The following NMRAL1 variants were observed in gnomAD, a reference collection of about 807,000 sequenced individuals.
The protein encoded by NMRAL1 is NmrA like redox sensor 1.
NMRAL1 carries 32 observed loss-of-function variants against 27.5 expected under a neutral mutation model. The observed-to-expected ratio is 1.16, with a 90% CI of 0.88 to 1.56. The LOEUF (loss-of-function observed/expected upper bound fraction) is 1.56. NMRAL1 is among the 40% of genes most tolerant of loss of function. The pLI, the probability that NMRAL1 is intolerant of heterozygous loss-of-function variation, is 0.00. For synonymous variants in NMRAL1, 166 were observed against 166.8 expected, an observed-to-expected ratio of 1.00 and a Z score of 0.04; for missense variants, 420 against 392.0, an observed-to-expected ratio of 1.07 and a Z score of -0.60.
rs1055542675 is a variant in NMRAL1, at chr16:4,467,619, GGTTTTT to G, written c.280-1223_280-1218del. On this transcript the variant is annotated intron_variant, in intron 3 of 5. Transcript: ENST00000283429. The stretch of plus-strand genomic sequence containing the variant: ...AGAATATCAGAGAATCGATTTCTGT[GGTTTTT>G]GTTTTTGTTTTTGAGACAGAGTCTA... Among the ~76,000 whole-genome samples the G allele has an allele frequency of 5.3e-5, 8 of 151,442 alleles. No homozygotes were observed. In the East Asian group the frequency reaches 9.9e-4, roughly 19 times the overall value.
intron 2 of NMRAL1, among the ~76,000 whole-genome samples, chr16:4,472,365 C>A (rs1053739862): frequency 1.3e-5 from 2 of 151,980 alleles, no homozygotes; most frequent in Non-Finnish European, 2.9e-5. Context: ...TTGCTTGAAC[C>A]CGGGAGGCAG....
In NMRAL1 at chr16:4,469,572, C is replaced by A. The variant is rs533690822; in HGVS notation, c.41-107G>T. ...ACCACAGCAAGGAGCATCCAGGAAACCTTCTCAACGACGATTCTCATTCAG... is the reference window on the plus strand; with the variant it reads ...ACCACAGCAAGGAGCATCCAGGAAAACTTCTCAACGACGATTCTCATTCAG... On this transcript the variant is annotated intron_variant, in intron 2 of 5. Transcript: ENST00000283429. 4 of 1,543,326 alleles carry A rather than the reference C, an allele frequency of 2.6e-6. No homozygotes were observed. The South Asian group carries it at 4.8e-5, about 19-fold the overall frequency.
chr16:4,463,533 C>T (rs188198753), intron 5 of NMRAL1, 127 bp downstream of exon 5: 11 of 741,980 alleles, frequency 1.5e-5, no homozygotes, highest in East Asian at 3.1e-5. Flanking sequence ...AGAAAATAAA[C>T]GTTGACGATG....
intron 3 of NMRAL1, among the ~76,000 whole-genome samples, chr16:4,467,883 G>A (rs2057389359): frequency 6.6e-6 from 1 of 151,920 alleles, no homozygotes. Flanking sequence ...GCCTCCCAAA[G>A]TGTGGGGATT....
intron 1 of NMRAL1, 24 bp downstream of exon 1, chr16:4,474,530 C>A (rs915501177): frequency 5.8e-6 from 1 of 171,918 alleles, no homozygotes; most frequent in Non-Finnish European, 1.2e-5. Context: ...GGCGCCAACT[C>A]CCTCCCCGCA....
At chr16:4,474,388 C>A in intron 1 of NMRAL1, 166 bp downstream of exon 1, 1 of 485,090 alleles carries the variant, frequency 2.1e-6, no homozygotes, top group East Asian at 3.6e-5. Flanking sequence ...TCCAGTCACC[C>A]GCCCCCCGGC....
In NMRAL1 at chr16:4,466,644, G is replaced by T. The variant is rs188383821; in HGVS notation, c.280-242C>A. 9.5e-6 allele frequency: 5 copies of T among 524,598 alleles called. No homozygotes were observed. In the East Asian group the frequency reaches 9.7e-5, roughly 10 times the overall value. The allele number at this position is 524,598 out of a possible 1,614,324, so 32.5% of individuals were successfully genotyped here. ...TGGCCCACCATGTGCAACATAGGAC[G>T]GGGGGGCAGGTCGGCTGCAGGGGGA... On this transcript the variant is annotated intron_variant, in intron 3 of 5. Coordinates refer to ENST00000283429, the MANE Select transcript of NMRAL1 (RefSeq NM_020677.6).
At chr16:4,469,145 C>A in intron 3 of NMRAL1, 82 bp downstream of exon 3, 1 of 890,840 alleles carries the variant, frequency 1.1e-6, no homozygotes, top group South Asian at 1.4e-5. Flanking sequence ...AGTGCTCCAA[C>A]CTCCCTGCAG....
chr16:4,474,266 AG>A lies in NMRAL1; in HGVS notation c.-34-101del, dbSNP rs1398113802. 4 of 840,724 alleles carry A rather than the reference AG, an allele frequency of 4.8e-6. No homozygotes were observed. In the African/African-American group the frequency reaches 5.2e-5, roughly 11 times the overall value. 52.1% of individuals were successfully genotyped at this position (840,724 alleles called of 1,614,324 possible). On this transcript the variant is annotated intron_variant, in intron 1 of 5. Transcript: ENST00000283429. ...TGTCTATGCATCGAGTATGTGTCGAAGGGGGCGGCTGGGCCCGGAGCGGCAA... is the reference window on the plus strand; with the variant it reads ...TGTCTATGCATCGAGTATGTGTCGAAGGGGCGGCTGGGCCCGGAGCGGCAA...
intron 3 of NMRAL1, among the ~76,000 whole-genome samples, chr16:4,467,382 C>T (rs144090354): frequency 8.1e-4 from 123 of 151,980 alleles, no homozygotes; most frequent in Admixed American, 1.8e-3. Flanking sequence ...TACAGGTGCC[C>T]GCCACCATGC....
At chr16:4,471,443 CAT>C (rs2057560339) in intron 2 of NMRAL1, 1 of 151,070 alleles carries the variant, frequency 6.6e-6, no homozygotes, top group Non-Finnish European at 1.5e-5. Context: ...ATGGTGAAAC[CAT>C]ATCTCTACAA....
In NMRAL1 at chr16:4,469,207, C is replaced by T. The variant is rs1177697629; in HGVS notation, c.279+20G>A. The T allele has an allele frequency of 3.8e-6, 6 of 1,577,158 alleles. No homozygotes were observed. Among genetic ancestry groups the T allele is most frequent in the Middle Eastern group, 1.7e-4 (1 of 5,972 alleles). ...CTCCTAGCCTGGCCGGGCCTCCCTGCAGCTCCTGCCTGCCCTCACCTGCTT... is the reference window on the plus strand; with the variant it reads ...CTCCTAGCCTGGCCGGGCCTCCCTGTAGCTCCTGCCTGCCCTCACCTGCTT... On this transcript the variant is annotated intron_variant, in intron 3 of 5. Transcript: ENST00000283429.
In NMRAL1 at chr16:4,461,706, G is replaced by A; in HGVS notation, c.*74C>T. ...CCTGGAAGCCATCTGGGAGAACAAT[G>A]GCTTTATTCAGATGTTGGTGCCTCT... On this transcript the variant is annotated 3_prime_UTR_variant, in exon 6 of 6. Coordinates refer to ENST00000283429, the MANE Select transcript of NMRAL1 (RefSeq NM_020677.6). 1 of 1,380,900 alleles carries A rather than the reference G, an allele frequency of 7.2e-7. No individual in the cohort carries two copies. Among genetic ancestry groups the A allele is most frequent in the East Asian group, 2.4e-5 (1 of 42,334 alleles). The allele number at this position is 1,380,900 out of a possible 1,614,324, so 85.5% of individuals were successfully genotyped here.
chr16:4,474,082 G>T lies in NMRAL1; in HGVS notation c.40+11C>A, dbSNP rs775117410. ...GGCTCTGCAAGGGCCCCAGTCTGGG[G>T]TTTGGCTCACCTGTGCCTCCGAAAA... On this transcript the variant is annotated intron_variant, in intron 2 of 5. Transcript: ENST00000283429. The T allele has an allele frequency of 3.1e-6, 5 of 1,610,192 alleles. No homozygotes were observed. The African/African-American group carries it at 5.3e-5, about 17-fold the overall frequency.
chr16:4,465,131 C>G (rs2057269626), intron 4 of NMRAL1, among the ~76,000 whole-genome samples: 1 of 150,834 alleles, frequency 6.6e-6, no homozygotes. Flanking sequence ...CCAGGCTGGT[C>G]TCAAACTCCT....
At chr16:4,471,114 A>G (rs2057550486) in intron 2 of NMRAL1, among the ~76,000 whole-genome samples, 1 of 152,238 alleles carries the variant, frequency 6.6e-6, no homozygotes, top group South Asian at 2.1e-4. Flanking sequence ...CTCAAAACAA[A>G]AGAAAAAACC....
rs532650592 is a variant in NMRAL1, at chr16:4,474,225, C to G, written c.-34-59G>C. On this transcript the variant is annotated intron_variant, in intron 1 of 5. Coordinates refer to ENST00000283429, the MANE Select transcript of NMRAL1 (RefSeq NM_020677.6). Reference sequence around the variant, plus strand: ...GGGCCGGGGTTCCCGCCAGGAGCGACAAAGGACACCCCCATTGTCTATGCA... The same window carrying G: ...GGGCCGGGGTTCCCGCCAGGAGCGAGAAAGGACACCCCCATTGTCTATGCA... 3.1e-4 allele frequency: 393 copies of G among 1,267,872 alleles called. 4 individuals carry two copies. The Middle Eastern group carries it at 0.012, about 37-fold the overall frequency. 78.5% of individuals were successfully genotyped at this position (1,267,872 alleles called of 1,614,324 possible). A position where few individuals can be genotyped will look rare whatever the true frequency, so the allele number is the denominator to read the frequency against.
intron 3 of NMRAL1, chr16:4,467,258 G>A (rs1156750889): frequency 6.6e-6 from 1 of 152,272 alleles, no homozygotes; most frequent in Admixed American, 6.6e-5. Context: ...TTTTAAGATG[G>A]ACTCTCACTC....
At chr16:4,466,642 A>T (rs1006647672) in intron 3 of NMRAL1, 4 of 544,712 alleles carry the variant, frequency 7.3e-6, no homozygotes, top group Non-Finnish European at 1.3e-5. Context: ...GCAACATAGG[A>T]CGGGGGGGCA....
Sources: gnomAD v4.1 joint callset for allele counts (sites outside exome capture counted in the v4.1 genomes callset) on GRCh38, gnomAD v4.1.1 for gene constraint, MANE v1.5 for transcripts, NCBI Gene and HGNC (gene_info 2026-07-23, HGNC 2026-07-21) for gene names.